XKR9: variants seen among roughly 807,000 people sequenced by gnomAD.
The protein encoded by XKR9 is XK-related protein 9.
XKR9 carries 32 observed loss-of-function variants against 32.0 expected under a neutral mutation model. The observed-to-expected ratio is 1.00, with a 90% confidence interval of 0.76 to 1.34. The LOEUF (loss-of-function observed/expected upper bound fraction) is 1.34. Among genes scored for constraint, XKR9 ranks in the 40% most tolerant of loss-of-function variants. The pLI is 0.00. For missense variants in XKR9, 546 were observed against 429.7 expected (o/e 1.27, Z -2.39); for synonymous variants, 168 against 143.4 (o/e 1.17, Z -1.22).
chr8:70,964,428 A>C, the XKR9 span, among the ~76,000 whole-genome samples: 2 of 152,274 alleles, frequency 1.3e-5, no homozygotes, highest in South Asian at 4.1e-4. Flanking sequence ...CTTTTTGCTT[A>C]GGATTGTCTT....
chr8:70,734,668 A>G lies in XKR9; in HGVS notation c.*244A>G. 3.2e-6 allele frequency: 1 copy of G among 311,548 alleles called. No homozygotes were observed. The highest frequency in any genetic ancestry group is 5.4e-6 in the Non-Finnish European group (1 of 186,810). The allele number at this position is 311,548 out of a possible 1,614,324, so 19.3% of individuals were successfully genotyped here. A position where few individuals can be genotyped will look rare whatever the true frequency, so the allele number is the denominator to read the frequency against. On this transcript the variant is annotated 3_prime_UTR_variant, in exon 5 of 5. Transcript: ENST00000408926. ...AGCTGCCATCTTGAGCCTGAAATAT[A>G]AGAAATGGTCTGGTTTTCATAATGA...
At chr8:70,951,872 G>C in the XKR9 span, among the ~76,000 whole-genome samples, 8 of 97,922 alleles carry the variant, frequency 8.2e-5, no homozygotes, top group East Asian at 2.5e-3. Context: ...ATCATTGGGG[G>C]GGGGGTGGTT....
the XKR9 span, among the ~76,000 whole-genome samples, chr8:71,046,567 A>T: frequency 4.6e-5 from 7 of 152,236 alleles, no homozygotes; most frequent in African/African-American, 1.7e-4. Flanking sequence ...ATTGAGGCTC[A>T]TAGGAGTCAA....
chr8:70,686,931 C>A (rs1372569366), intron 3 of XKR9, among the ~76,000 whole-genome samples: 1 of 151,880 alleles, frequency 6.6e-6, no homozygotes, highest in East Asian at 1.9e-4. Flanking sequence ...TATTTATCAC[C>A]TCAAGTATTT....
At chr8:70,877,373 A>G in the XKR9 span, among the ~76,000 whole-genome samples, 1 of 152,196 alleles carries the variant, frequency 6.6e-6, no homozygotes, top group Non-Finnish European at 1.5e-5. Context: ...ATTATGGCAC[A>G]TTACTTTAAC....
chr8:70,688,964 G>A (rs1211170917), intron 3 of XKR9, among the ~76,000 whole-genome samples: 1 of 152,108 alleles, frequency 6.6e-6, no homozygotes, highest in Non-Finnish European at 1.5e-5. Flanking sequence ...TTGTAACCAT[G>A]ACTCCAAATC....
intron 3 of XKR9, among the ~76,000 whole-genome samples, chr8:70,703,318 T>G (rs1477945): frequency 0.33 from 50,043 of 151,892 alleles, 9,400 homozygotes; most frequent in Non-Finnish European, 0.43. Context: ...AGTGAGGTCT[T>G]AAGTCTTTTG....
chr8:70,903,496 T>G, the XKR9 span, among the ~76,000 whole-genome samples: 57 of 152,324 alleles, frequency 3.7e-4, no homozygotes, highest in African/African-American at 1.3e-3. Context: ...CCCTTTATCA[T>G]TTTTTATTGT....
At chr8:70,736,914 T>C (rs1806873049), downstream of XKR9, among the ~76,000 whole-genome samples, 1 of 152,140 alleles carries the variant, frequency 6.6e-6, no homozygotes, top group South Asian at 2.1e-4. Context: ...TGCCTCCAGC[T>C]TTGTTCTTTT....
the XKR9 span, among the ~76,000 whole-genome samples, chr8:70,975,876 A>G: frequency 6.6e-6 from 1 of 152,204 alleles, no homozygotes; most frequent in Non-Finnish European, 1.5e-5. Context: ...ATCCATGAGC[A>G]TGGAATGTTC....
the XKR9 span, among the ~76,000 whole-genome samples, chr8:70,801,470 G>A: frequency 6.6e-6 from 1 of 152,098 alleles, no homozygotes; most frequent in South Asian, 2.1e-4. Context: ...TAATTTTTTG[G>A]TGTTGAGTGA....
At chr8:70,792,214 T>A (rs1299609100), downstream of XKR9, among the ~76,000 whole-genome samples, 1 of 152,146 alleles carries the variant, frequency 6.6e-6, no homozygotes, top group Admixed American at 6.6e-5. Context: ...CTCTTTTTCT[T>A]TTTCTGGGCA....
chr8:70,885,599 A>AT, the XKR9 span, among the ~76,000 whole-genome samples: 20,306 of 146,400 alleles, frequency 0.14, 1,826 homozygotes, highest in African/African-American at 0.26. Context: ...CTGGTGTGTG[A>AT]TTTTTTTTTT....
intron 3 of XKR9, among the ~76,000 whole-genome samples, chr8:70,696,992 A>G (rs900622259): frequency 2.0e-5 from 3 of 151,430 alleles, no homozygotes; most frequent in Admixed American, 6.6e-5. Flanking sequence ...TTTGTCTGTT[A>G]TTGGTGTATA....
At chr8:70,670,361 T>TCCCATAA (rs1818670786) in intron 1 of XKR9, among the ~76,000 whole-genome samples, 1 of 152,226 alleles carries the variant, frequency 6.6e-6, no homozygotes, top group Non-Finnish European at 1.5e-5. Context: ...TATCCAGTGT[T>TCCCATAA]AACTACAGCT....
At chr8:70,885,964 A>G in the XKR9 span, among the ~76,000 whole-genome samples, 1 of 152,066 alleles carries the variant, frequency 6.6e-6, no homozygotes, top group South Asian at 2.1e-4. Context: ...ATAGGTATAC[A>G]CGTGCCATGG....
chr8:71,038,696 G>A, the XKR9 span, among the ~76,000 whole-genome samples: 1 of 131,664 alleles, frequency 7.6e-6, no homozygotes, highest in Non-Finnish European at 1.5e-5. Context: ...CATATTAATT[G>A]TATTACTTCA....
At chr8:70,745,289 A>G (rs1807043671) in intron 2 of XKR9, among the ~76,000 whole-genome samples, 1 of 152,244 alleles carries the variant, frequency 6.6e-6, no homozygotes, top group Admixed American at 6.5e-5. Context: ...ATGGCTTTAT[A>G]AGACTTTTAA....
At chr8:70,873,341 A>T in the XKR9 span, among the ~76,000 whole-genome samples, 1 of 152,234 alleles carries the variant, frequency 6.6e-6, no homozygotes, top group African/African-American at 2.4e-5. Context: ...ATAAGGCTAT[A>T]GCTGCCTTAC....
Sources: gnomAD v4.1 joint callset for allele counts (sites outside exome capture counted in the v4.1 genomes callset) on GRCh38, gnomAD v4.1.1 for gene constraint, MANE v1.5 for transcripts, NCBI Gene and HGNC (gene_info 2026-07-23, HGNC 2026-07-21) for gene names.